UNC5D: variants seen among roughly 807,000 people sequenced by gnomAD.
UNC5D encodes netrin receptor UNC5D.
UNC5D carries 39 observed loss-of-function variants against 105.4 expected under a neutral mutation model. That is an observed-to-expected ratio of 0.37 (90% CI 0.29 to 0.48). The LOEUF (loss-of-function observed/expected upper bound fraction) is 0.48, where lower values mean the gene tolerates loss of function less well. Ranked by LOEUF, UNC5D falls within the 20% of genes least tolerant of loss-of-function variation. The probability of loss-of-function intolerance (pLI) is 0.98; values close to 1 mark genes in which losing one functional copy is unlikely to be tolerated. For missense variants in UNC5D, 991 were observed against 1,202.4 expected, an observed-to-expected ratio of 0.82 and a Z score of 2.60; for synonymous variants, 452 against 450.4, an observed-to-expected ratio of 1.00 and a Z score of -0.04.
intron 13 of UNC5D, 143 bp downstream of exon 13, chr8:35,750,952 C>A: frequency 1.1e-6 from 1 of 921,810 alleles, no homozygotes; most frequent in Non-Finnish European, 1.7e-6. Flanking sequence ...TTCACCTTGC[C>A]TGCTGCCTAG....
chr8:35,308,511 C>T (rs1414057135), intron 1 of UNC5D, among the ~76,000 whole-genome samples: 1 of 152,108 alleles, frequency 6.6e-6, no homozygotes, highest in Non-Finnish European at 1.5e-5. Context: ...AAACTTTGAC[C>T]TTCACAATGG....
At chr8:35,658,930 C>G (rs1823944943) in intron 4 of UNC5D, among the ~76,000 whole-genome samples, 1 of 152,130 alleles carries the variant, frequency 6.6e-6, no homozygotes, top group Non-Finnish European at 1.5e-5. Context: ...GCTGGGATTA[C>G]AAGCGTGAGC....
At chr8:35,667,665 C>T (rs745952709) in intron 4 of UNC5D, among the ~76,000 whole-genome samples, 7 of 152,168 alleles carry the variant, frequency 4.6e-5, no homozygotes, top group Non-Finnish European at 1.0e-4. Flanking sequence ...ATTTGTTGAC[C>T]TACCTTCCAG....
At chr8:35,489,281 T>C (rs1811041540) in intron 1 of UNC5D, among the ~76,000 whole-genome samples, 1 of 152,154 alleles carries the variant, frequency 6.6e-6, no homozygotes, top group African/African-American at 2.4e-5. Context: ...GTGCTAGGAT[T>C]ACAAGTATGA....
rs1817499516 is a variant in UNC5D, at chr8:35,568,370, A to ATTTT, written c.466+129_466+130insTTTT. On this transcript the variant is annotated intron_variant, in intron 3 of 16. Transcript: ENST00000404895. ...TGAGAGGTCTTAAATTTACTCTTCTAAAATGTTATTTTAAAATGTTTGATA... is the reference window on the plus strand; with the variant it reads ...TGAGAGGTCTTAAATTTACTCTTCTATTTTAAATGTTATTTTAAAATGTTTGATA... 1.2e-5 allele frequency: 15 copies of ATTTT among 1,294,874 alleles called. No individual in the cohort carries two copies. In the East Asian group the frequency reaches 3.5e-4, roughly 31 times the overall value. 80.2% of individuals were successfully genotyped at this position (1,294,874 alleles called of 1,614,324 possible).
At chr8:35,495,780 A>C (rs1225591868) in intron 1 of UNC5D, among the ~76,000 whole-genome samples, 1 of 151,834 alleles carries the variant, frequency 6.6e-6, no homozygotes, top group Non-Finnish European at 1.5e-5. Flanking sequence ...AGCAGTAAAA[A>C]CCCTATTTTT....
intron 4 of UNC5D, among the ~76,000 whole-genome samples, chr8:35,618,407 G>C (rs1474358023): frequency 6.6e-6 from 1 of 152,120 alleles, no homozygotes; most frequent in Non-Finnish European, 1.5e-5. Context: ...AATGTGAATT[G>C]GTGCTATAGA....
intron 16 of UNC5D, among the ~76,000 whole-genome samples, chr8:35,785,868 T>TC (rs927418129): frequency 6.6e-6 from 1 of 152,102 alleles, no homozygotes; most frequent in African/African-American, 2.4e-5. Context: ...CACAAGTCCC[T>TC]CCTCCAGTTC....
intron 1 of UNC5D, among the ~76,000 whole-genome samples, chr8:35,389,110 T>C (rs1260647950): frequency 6.6e-6 from 1 of 152,200 alleles, no homozygotes; most frequent in Admixed American, 6.5e-5. Flanking sequence ...TCACACTTTT[T>C]CCTGTGGTTT....
chr8:35,769,834 G>A (rs1263209297), intron 15 of UNC5D, among the ~76,000 whole-genome samples: 3 of 152,032 alleles, frequency 2.0e-5, no homozygotes, highest in Admixed American at 6.6e-5. Context: ...GTGTTGGCGG[G>A]TGCCTGTAGT....
chr8:35,366,279 A>T (rs770734005), intron 1 of UNC5D, among the ~76,000 whole-genome samples: 1 of 151,574 alleles, frequency 6.6e-6, no homozygotes, highest in Non-Finnish European at 1.5e-5. Flanking sequence ...TTCAAGAGAG[A>T]TGCTAAGGAA....
chr8:35,674,729 T>G (rs2131294823), intron 4 of UNC5D, among the ~76,000 whole-genome samples: 1 of 152,318 alleles, frequency 6.6e-6, no homozygotes, highest in South Asian at 2.1e-4. Context: ...GAATCCCATC[T>G]TCACCTCTGC....
chr8:35,509,469 C>T (rs1014109345), intron 1 of UNC5D, among the ~76,000 whole-genome samples: 4 of 8,772 alleles, frequency 4.6e-4, no homozygotes, highest in African/African-American at 1.0e-3. Flanking sequence ...AAATTTTTAG[C>T]TTATCTTGCT....
chr8:35,290,103 A>G (rs1806928120), intron 1 of UNC5D, among the ~76,000 whole-genome samples: 1 of 152,110 alleles, frequency 6.6e-6, no homozygotes, highest in South Asian at 2.1e-4. Context: ...TATATTATGG[A>G]GGTTCCTCAA....
chr8:35,580,381 A>G (rs879514828), intron 3 of UNC5D, among the ~76,000 whole-genome samples: 3 of 152,002 alleles, frequency 2.0e-5, no homozygotes, highest in Non-Finnish European at 4.4e-5. Flanking sequence ...AACTAGCTAC[A>G]TTTTTTTCTG....
At chr8:35,426,537 A>T (rs547197891) in intron 1 of UNC5D, among the ~76,000 whole-genome samples, 1 of 152,316 alleles carries the variant, frequency 6.6e-6, no homozygotes, top group East Asian at 1.9e-4. Flanking sequence ...ATACTCTTCT[A>T]GTATCACACT....
At chr8:35,742,074 T>C (rs1268217996) in intron 11 of UNC5D, among the ~76,000 whole-genome samples, 1 of 152,198 alleles carries the variant, frequency 6.6e-6, no homozygotes, top group Non-Finnish European at 1.5e-5. Flanking sequence ...GTCTGTTTTC[T>C]TAAATCACAC....
intron 4 of UNC5D, among the ~76,000 whole-genome samples, chr8:35,678,480 C>T (rs1825425978): frequency 6.6e-6 from 1 of 151,974 alleles, no homozygotes; most frequent in African/African-American, 2.4e-5. Context: ...AAAGATTTTA[C>T]CTTGAATTTG....
intron 1 of UNC5D, among the ~76,000 whole-genome samples, chr8:35,283,334 G>A (rs951254965): frequency 1.3e-5 from 2 of 152,054 alleles, no homozygotes; most frequent in South Asian, 4.1e-4. Context: ...ATATTTAGCA[G>A]GCCACTTCCT....
Sources: gnomAD v4.1 joint callset for allele counts (sites outside exome capture counted in the v4.1 genomes callset) on GRCh38, gnomAD v4.1.1 for gene constraint, MANE v1.5 for transcripts, NCBI Gene and HGNC (gene_info 2026-07-23, HGNC 2026-07-21) for gene names.